MICU3: variants seen among roughly 807,000 people sequenced by gnomAD.
MICU3 encodes the protein calcium uptake protein 3, mitochondrial.
Under a neutral mutation model 66.5 loss-of-function variants are expected in MICU3, and 62 were observed. The observed-to-expected ratio is 0.93, with a 90% confidence interval of 0.76 to 1.15. The LOEUF is 1.15. MICU3 is among the 50% of genes most tolerant of loss of function. The pLI is 0.00. For synonymous variants in MICU3, 308 were observed against 240.7 expected, an observed-to-expected ratio of 1.28 and a Z score of -2.59; for missense variants, 779 against 664.4, an observed-to-expected ratio of 1.17 and a Z score of -1.90.
chr8:17,044,093 C>T lies in MICU3; in HGVS notation c.381+16433C>T, dbSNP rs551568189. On this transcript the variant is annotated intron_variant, in intron 1 of 14. Transcript: ENST00000318063. The stretch of plus-strand genomic sequence containing the variant: ...TTGCTAGCAAATGATAGGAGAGCAA[C>T]AATTTGTGTCTTTGTTCCTATACCC... Among the ~76,000 whole-genome samples, 6 of 152,270 alleles carry T rather than the reference C, an allele frequency of 3.9e-5. No individual in the cohort carries two copies. The South Asian group carries it at 1.2e-3, about 32-fold the overall frequency.
intron 3 of MICU3, among the ~76,000 whole-genome samples, chr8:17,074,589 ACGTG>A (rs1820094432): frequency 1.0e-5 from 1 of 99,564 alleles, no homozygotes; most frequent in Non-Finnish European, 1.9e-5. Flanking sequence ...TGATGTTAAA[ACGTG>A]TGTGTGTGTG....
intron 2 of MICU3, 71 bp downstream of exon 2, chr8:17,064,308 C>G (rs1267442920): frequency 8.1e-7 from 1 of 1,228,262 alleles, no homozygotes; most frequent in Non-Finnish European, 1.1e-6. Flanking sequence ...ATGGATGGAG[C>G]AGTATAAGTT....
chr8:17,137,303 C>G, the MICU3 span, among the ~76,000 whole-genome samples: 4 of 151,992 alleles, frequency 2.6e-5, no homozygotes, highest in African/African-American at 9.7e-5. Flanking sequence ...GCATTTAAAA[C>G]TGGCATTGCC....
intron 3 of MICU3, among the ~76,000 whole-genome samples, chr8:17,072,709 GGCCACTGAAT>G (rs1433997328): frequency 1.3e-5 from 2 of 151,864 alleles, no homozygotes; most frequent in Admixed American, 1.3e-4. Context: ...TGCCTACAAT[GGCCACTGAAT>G]ATATGTAAAG....
the MICU3 span, among the ~76,000 whole-genome samples, chr8:17,127,887 A>C: frequency 6.8e-6 from 1 of 146,612 alleles, no homozygotes; most frequent in East Asian, 2.0e-4. Flanking sequence ...AAAGGGGTAA[A>C]AATAATTTTT....
intron 8 of MICU3, among the ~76,000 whole-genome samples, chr8:17,091,644 C>G (rs1194105849): frequency 6.6e-6 from 1 of 151,976 alleles, no homozygotes; most frequent in South Asian, 2.1e-4. Flanking sequence ...GAGAAACAAG[C>G]CAAGTCCATA....
intron 1 of MICU3, among the ~76,000 whole-genome samples, chr8:17,038,261 G>A (rs1224052060): frequency 2.0e-5 from 3 of 152,288 alleles, no homozygotes; most frequent in Admixed American, 1.3e-4. Flanking sequence ...TGTCATGGGA[G>A]GGACCCGGTG....
intron 1 of MICU3, among the ~76,000 whole-genome samples, chr8:17,046,532 T>A (rs187747341): frequency 1.6e-4 from 25 of 152,230 alleles, no homozygotes; most frequent in African/African-American, 5.8e-4. Flanking sequence ...TATAAGAAAT[T>A]GAGAGAAATT....
intron 4 of MICU3, among the ~76,000 whole-genome samples, chr8:17,078,438 A>G (rs1820704591): frequency 6.6e-6 from 1 of 152,102 alleles, no homozygotes; most frequent in African/African-American, 2.4e-5. Context: ...CCTGGCAATC[A>G]AATTATATGG....
chr8:17,081,892 A>G, intron 5 of MICU3, 152 bp downstream of exon 5: 2 of 504,254 alleles, frequency 4.0e-6, no homozygotes, highest in South Asian at 4.0e-5. Flanking sequence ...TGCTAAGCAT[A>G]GCACTGTAAA....
At chr8:17,125,137 TGTAATA>T (rs1413107143), downstream of MICU3, among the ~76,000 whole-genome samples, 426 of 152,230 alleles carry the variant, frequency 2.8e-3, no homozygotes, top group African/African-American at 9.5e-3. Flanking sequence ...GAGTATAGCC[TGTAATA>T]TAGCCTGTAA....
chr8:17,130,442 G>C, the MICU3 span, among the ~76,000 whole-genome samples: 1 of 151,934 alleles, frequency 6.6e-6, no homozygotes, highest in Non-Finnish European at 1.5e-5. Context: ...AGAATCACTT[G>C]ACTGAGGTGG....
chr8:17,052,425 C>A (rs1458007805), intron 1 of MICU3, among the ~76,000 whole-genome samples: 1 of 152,126 alleles, frequency 6.6e-6, no homozygotes, highest in South Asian at 2.1e-4. Flanking sequence ...AGTCACCCTA[C>A]TGTGCTATTG....
chr8:17,087,137 C>A, intron 7 of MICU3, 102 bp downstream of exon 7: 2 of 788,708 alleles, frequency 2.5e-6, no homozygotes, highest in Non-Finnish European at 4.0e-6. Context: ...GAAGCTGTCC[C>A]TTTCTTGAAA....
chr8:17,114,288 A>AT (rs1365617628), intron 12 of MICU3, 87 bp downstream of exon 12: 6 of 758,492 alleles, frequency 7.9e-6, no homozygotes, highest in Non-Finnish European at 6.5e-6. Context: ...TAAATATGAC[A>AT]TATCACCCAT....
chr8:17,055,654 C>T (rs1385119452), intron 1 of MICU3, among the ~76,000 whole-genome samples: 1 of 152,254 alleles, frequency 6.6e-6, no homozygotes, highest in East Asian at 1.9e-4. Flanking sequence ...ACTTTATTTC[C>T]CTCTCCCTTC....
the MICU3 span, among the ~76,000 whole-genome samples, chr8:17,135,641 T>A: frequency 6.6e-6 from 1 of 152,112 alleles, no homozygotes; most frequent in African/African-American, 2.4e-5. Context: ...GCATTGATCA[T>A]AGCCTCCAGA....
intron 3 of MICU3, among the ~76,000 whole-genome samples, chr8:17,075,788 G>C (rs1039899410): frequency 6.6e-6 from 1 of 151,948 alleles, no homozygotes; most frequent in Non-Finnish European, 1.5e-5. Context: ...TGCATAATGA[G>C]GATTGTTTTT....
At chr8:17,054,868 A>G (rs1816672005) in intron 1 of MICU3, among the ~76,000 whole-genome samples, 2 of 150,422 alleles carry the variant, frequency 1.3e-5, no homozygotes, top group African/African-American at 4.9e-5. Flanking sequence ...CCTCCCAAGT[A>G]GCTGGGATTA....
Sources: gnomAD v4.1 joint callset for allele counts (sites outside exome capture counted in the v4.1 genomes callset) on GRCh38, gnomAD v4.1.1 for gene constraint, MANE v1.5 for transcripts, NCBI Gene and HGNC (gene_info 2026-07-23, HGNC 2026-07-21) for gene names.